The following C3orf52 variants were observed in gnomAD, a reference collection of about 807,000 sequenced individuals.
C3orf52 encodes chromosome 3 open reading frame 52, also known as TPA-induced transmembrane protein.
Under a neutral mutation model 24.8 loss-of-function variants are expected in C3orf52, and 22 were observed. That is an observed-to-expected ratio of 0.89 (90% CI 0.63 to 1.27). C3orf52 has a LOEUF of 1.27. Among genes scored for constraint, C3orf52 ranks in the 50% most tolerant of loss-of-function variants. The pLI, the probability that C3orf52 is intolerant of heterozygous loss-of-function variation, is 0.00. For missense variants in C3orf52, 265 were observed against 260.7 expected, an observed-to-expected ratio of 1.02 and a Z score of -0.11; for synonymous variants, 93 against 100.2, an observed-to-expected ratio of 0.93 and a Z score of 0.43.
At chr3:112,106,532 C>T (rs995682451) in intron 3 of C3orf52, among the ~76,000 whole-genome samples, 19 of 152,126 alleles carry the variant, frequency 1.2e-4, no homozygotes, top group African/African-American at 4.6e-4. Context: ...GATTTAGGAG[C>T]AGGTCTGTGT....
downstream of C3orf52, chr3:112,123,203 C>T: frequency 1.0e-5 from 6 of 589,406 alleles, no homozygotes; most frequent in South Asian, 1.1e-4. Flanking sequence ...TACCACTATA[C>T]TCTCCAAACC....
At chr3:112,132,086 A>G (rs571148224), downstream of C3orf52, among the ~76,000 whole-genome samples, 1 of 152,352 alleles carries the variant, frequency 6.6e-6, no homozygotes, top group South Asian at 2.1e-4. Context: ...ATATCTAGTA[A>G]TAAAAATAGT....
downstream of C3orf52, among the ~76,000 whole-genome samples, chr3:112,131,424 CAATG>C (rs1398092499): frequency 6.6e-6 from 1 of 152,072 alleles, no homozygotes; most frequent in African/African-American, 2.4e-5. Flanking sequence ...GTTGGGGTGA[CAATG>C]AAAATTAGAT....
At chr3:112,103,593 A>G (rs1266335830) in intron 3 of C3orf52, among the ~76,000 whole-genome samples, 1 of 152,158 alleles carries the variant, frequency 6.6e-6, no homozygotes, top group Non-Finnish European at 1.5e-5. Context: ...CTCACAGTCC[A>G]AGTACAGGAA....
At chr3:112,124,979 C>T (rs1013233183) in intron 4 of C3orf52, among the ~76,000 whole-genome samples, 6 of 152,186 alleles carry the variant, frequency 3.9e-5, no homozygotes, top group African/African-American at 1.4e-4. Context: ...AAGCACTCAG[C>T]ATGTTGTCTG....
chr3:112,098,927 C>T (rs909564811), intron 2 of C3orf52, among the ~76,000 whole-genome samples: 2 of 152,108 alleles, frequency 1.3e-5, no homozygotes, highest in Admixed American at 6.6e-5. Context: ...GGATTTGTGT[C>T]CCTGCCCAAA....
intron 1 of C3orf52, among the ~76,000 whole-genome samples, chr3:112,090,432 C>T (rs564091879): frequency 6.6e-6 from 1 of 151,852 alleles, no homozygotes; most frequent in Non-Finnish European, 1.5e-5. Flanking sequence ...GTATCTGGGA[C>T]CACAGGTGTA....
intron 4 of C3orf52, chr3:112,127,991 A>G: frequency 6.2e-7 from 1 of 1,603,692 alleles, no homozygotes; most frequent in East Asian, 2.2e-5. Flanking sequence ...TAGGGAAATA[A>G]CTCCTAAAAA....
At chr3:112,107,843 G>A (rs1345189244) in intron 3 of C3orf52, among the ~76,000 whole-genome samples, 1 of 152,192 alleles carries the variant, frequency 6.6e-6, no homozygotes, top group Non-Finnish European at 1.5e-5. Context: ...TTGAGATATG[G>A]GTTGTACATG....
At chr3:112,089,345 G>A (rs2073857337) in intron 1 of C3orf52, among the ~76,000 whole-genome samples, 1 of 151,698 alleles carries the variant, frequency 6.6e-6, no homozygotes, top group African/African-American at 2.4e-5. Flanking sequence ...GACCAACATG[G>A]AGAAACCCCG....
chr3:112,127,835 AC>A (rs1338900746), intron 4 of C3orf52, among the ~76,000 whole-genome samples: 1 of 152,118 alleles, frequency 6.6e-6, no homozygotes, highest in Non-Finnish European at 1.5e-5. Flanking sequence ...GACCCATGAG[AC>A]TATTGTTCCT....
At chr3:112,128,268 A>G (rs2074375551) in exon 5 of C3orf52, 2 of 693,482 alleles carry the variant, frequency 2.9e-6, no homozygotes, top group East Asian at 2.7e-5. Flanking sequence ...TAATCAGGAA[A>G]AAAGCTTTCT....
chr3:112,113,654 G>C (rs1321479805), intron 5 of C3orf52, among the ~76,000 whole-genome samples: 1 of 152,118 alleles, frequency 6.6e-6, no homozygotes, highest in African/African-American at 2.4e-5. Context: ...ACAAAGACAA[G>C]TTTATTCCTT....
At chr3:112,112,880 A>G in intron 4 of C3orf52, 84 bp from the exon 5 acceptor site, 1 of 1,223,692 alleles carries the variant, frequency 8.2e-7, no homozygotes. Context: ...CAAAACTAAA[A>G]AAAAAAAAAG....
intron 1 of C3orf52, among the ~76,000 whole-genome samples, chr3:112,087,234 G>A (rs1335839890): frequency 1.3e-5 from 2 of 152,188 alleles, no homozygotes; most frequent in African/African-American, 4.8e-5. Flanking sequence ...TAATTTCAAA[G>A]TTCTTGTCTC....
At chr3:112,102,693 G>A in intron 2 of C3orf52, 145 bp from the exon 3 acceptor site, 1 of 714,358 alleles carries the variant, frequency 1.4e-6, no homozygotes, top group Non-Finnish European at 2.2e-6. Flanking sequence ...AAGCATTTCT[G>A]CTTACACTTG....
At chr3:112,128,117 A>C in intron 4 of C3orf52, 1 of 1,501,888 alleles carries the variant, frequency 6.7e-7, no homozygotes, top group Non-Finnish European at 9.3e-7. Flanking sequence ...AGCTTTGTTA[A>C]GGTGACTCCT....
At chr3:112,109,322 A>G (rs2074056082) in intron 3 of C3orf52, among the ~76,000 whole-genome samples, 1 of 152,144 alleles carries the variant, frequency 6.6e-6, no homozygotes, top group Non-Finnish European at 1.5e-5. Flanking sequence ...TCTGAGAGAA[A>G]CTGAGTCATT....
chr3:112,115,006 G>C (rs2074121916), intron 5 of C3orf52, among the ~76,000 whole-genome samples: 1 of 152,166 alleles, frequency 6.6e-6, no homozygotes, highest in African/African-American at 2.4e-5. Context: ...GTTTCCCCAG[G>C]GCTTGGTGCT....
Sources: allele counts gnomAD v4.1 joint callset (sites outside exome capture counted in the v4.1 genomes callset), GRCh38; gene constraint gnomAD v4.1.1; transcripts MANE v1.5; gene names NCBI Gene and HGNC (gene_info 2026-07-23, HGNC 2026-07-21).